PSMA1: variants seen among roughly 807,000 people sequenced by gnomAD.
PSMA1 encodes proteasome subunit alpha type-1.
A neutral mutation model predicts 38.4 loss-of-function variants in PSMA1; 3 were observed. The ratio of observed to expected loss-of-function variants is 0.08; its 90% confidence interval spans 0.04 to 0.20. PSMA1 has a LOEUF of 0.20. Ranked by LOEUF, PSMA1 falls within the 10% of genes least tolerant of loss-of-function variation. PSMA1 has a pLI of 1.00. For synonymous variants in PSMA1, 101 were observed against 107.1 expected (o/e 0.94, Z 0.35); for missense variants, 227 against 325.3 (o/e 0.70, Z 2.32).
chr11:14,545,191 A>G (rs971885399), intron 2 of PSMA1, among the ~76,000 whole-genome samples: 2 of 152,258 alleles, frequency 1.3e-5, no homozygotes, highest in Non-Finnish European at 2.9e-5. Context: ...GATGTTTTAA[A>G]AAATAAAACA....
intron 2 of PSMA1, among the ~76,000 whole-genome samples, chr11:14,597,623 A>T (rs892688108): frequency 1.5e-4 from 22 of 149,852 alleles, no homozygotes; most frequent in African/African-American, 5.4e-4. Flanking sequence ...CATCTATTTG[A>T]TTCTTCTCTT....
chr11:14,553,147 A>AT (rs1851905229), intron 2 of PSMA1, among the ~76,000 whole-genome samples: 1 of 152,000 alleles, frequency 6.6e-6, no homozygotes, highest in South Asian at 2.1e-4. Context: ...TATAAGATAC[A>AT]TTTTTTTGGA....
chr11:14,574,881 T>C (rs1852194049), intron 2 of PSMA1, among the ~76,000 whole-genome samples: 1 of 152,122 alleles, frequency 6.6e-6, no homozygotes, highest in African/African-American at 2.4e-5. Context: ...GGTACCACTA[T>C]AGTGGGGTGC....
intron 1 of PSMA1, among the ~76,000 whole-genome samples, chr11:14,640,117 T>C (rs1423626995): frequency 6.6e-6 from 1 of 151,860 alleles, no homozygotes; most frequent in East Asian, 1.9e-4. Context: ...TAAATGCTGG[T>C]AGAGGGGGGA....
intron 2 of PSMA1, among the ~76,000 whole-genome samples, chr11:14,551,951 G>A (rs1336216968): frequency 1.3e-5 from 2 of 152,276 alleles, no homozygotes; most frequent in South Asian, 2.1e-4. Flanking sequence ...ACAAGGTAGT[G>A]AGGCTTTATA....
intron 2 of PSMA1, among the ~76,000 whole-genome samples, chr11:14,532,690 G>A (rs1851661062): frequency 6.6e-6 from 1 of 151,614 alleles, no homozygotes; most frequent in Admixed American, 6.6e-5. Flanking sequence ...GCTCATGCCT[G>A]TAATCCCAGC....
intron 1 of PSMA1, among the ~76,000 whole-genome samples, chr11:14,623,161 C>T (rs1380935061): frequency 4.6e-5 from 7 of 152,156 alleles, no homozygotes; most frequent in Admixed American, 3.9e-4. Flanking sequence ...AAATTGCATG[C>T]GCAGGTAGCT....
chr11:14,542,855 A>T (rs1851787637), intron 2 of PSMA1, among the ~76,000 whole-genome samples: 1 of 152,078 alleles, frequency 6.6e-6, no homozygotes, highest in African/African-American at 2.4e-5. Context: ...TCTCAGAATG[A>T]TTTTTTTCTT....
chr11:14,623,515 A>G (rs1007098780), intron 1 of PSMA1, among the ~76,000 whole-genome samples: 7 of 152,200 alleles, frequency 4.6e-5, no homozygotes, highest in Non-Finnish European at 1.0e-4. Flanking sequence ...GGGGCCTGGA[A>G]AGAAAATAAT....
At chr11:14,544,064 C>T (rs1334381833) in intron 2 of PSMA1, among the ~76,000 whole-genome samples, 2 of 152,256 alleles carry the variant, frequency 1.3e-5, no homozygotes, top group Non-Finnish European at 2.9e-5. Context: ...TTTTGAGACA[C>T]GATCTTGCTC....
At chr11:14,510,991 G>A (rs1236525231) in intron 7 of PSMA1, 40 bp from the exon 8 acceptor site, 2 of 1,323,460 alleles carry the variant, frequency 1.5e-6, no homozygotes, top group Non-Finnish European at 2.1e-6. Flanking sequence ...TAATTTCATT[G>A]TTATGCTAGG....
At chr11:14,614,430 C>T (rs1338711029) in intron 1 of PSMA1, among the ~76,000 whole-genome samples, 1 of 151,774 alleles carries the variant, frequency 6.6e-6, no homozygotes, top group Admixed American at 6.6e-5. Context: ...AATTGTTCTT[C>T]TTCAGACTGT....
chr11:14,587,431 C>T (rs894871045), intron 2 of PSMA1, among the ~76,000 whole-genome samples: 2 of 152,220 alleles, frequency 1.3e-5, no homozygotes, highest in African/African-American at 2.4e-5. Flanking sequence ...GACAACTGCT[C>T]CTCCCAGTGT....
Position 14,540,117 on chromosome 11 carries a change from A to C in PSMA1, c.22-21076T>G, listed in dbSNP as rs1851756888. On this transcript the variant is annotated intron_variant, in intron 2 of 10. Coordinates refer to the PSMA1 transcript ENST00000418988. ...CTTCAGAACTGAAATGTTTCCCTTG[A>C]CCCTCTCTACCCACCCAGCTCTGTT... 2.6e-5 allele frequency among the ~76,000 whole-genome samples: 4 copies of C among 152,120 alleles called. No individual in the cohort carries two copies. In the South Asian group the frequency reaches 8.3e-4, roughly 32 times the overall value.
At chr11:14,526,177 C>T (rs1238020395) in intron 2 of PSMA1, among the ~76,000 whole-genome samples, 1 of 152,152 alleles carries the variant, frequency 6.6e-6, no homozygotes, top group Non-Finnish European at 1.5e-5. Context: ...GATACTTTCG[C>T]CTTTGGATAC....
At chr11:14,630,648 T>A (rs905316908) in intron 1 of PSMA1, among the ~76,000 whole-genome samples, 1 of 151,560 alleles carries the variant, frequency 6.6e-6, no homozygotes, top group Non-Finnish European at 1.5e-5. Context: ...TGTCTCTGCC[T>A]GGCTTTGGTA....
intron 2 of PSMA1, among the ~76,000 whole-genome samples, chr11:14,567,953 G>A (rs1196461855): frequency 6.6e-6 from 1 of 152,120 alleles, no homozygotes; most frequent in African/African-American, 2.4e-5. Context: ...TGAGTTCAGT[G>A]TTAATAAATC....
At chr11:14,552,119 C>T (rs1398262810) in intron 2 of PSMA1, among the ~76,000 whole-genome samples, 1 of 152,090 alleles carries the variant, frequency 6.6e-6, no homozygotes, top group East Asian at 1.9e-4. Flanking sequence ...AGAGGCTTCT[C>T]TAGGAGTTTC....
chr11:14,524,264 C>G (rs535471663), upstream of PSMA1, among the ~76,000 whole-genome samples: 1 of 152,148 alleles, frequency 6.6e-6, no homozygotes, highest in East Asian at 1.9e-4. Context: ...AGCCCAGTGT[C>G]AGGCCTCTGA....
Sources: allele counts gnomAD v4.1 joint callset (sites outside exome capture counted in the v4.1 genomes callset), GRCh38; gene constraint gnomAD v4.1.1; transcripts MANE v1.5; gene names NCBI Gene and HGNC (gene_info 2026-07-23, HGNC 2026-07-21).